Variants in MITF observed in about 807,000 individuals in gnomAD.
MITF encodes the protein microphthalmia-associated transcription factor.
Under a neutral mutation model 60.5 loss-of-function variants are expected in MITF, and 17 were observed. That is an observed-to-expected ratio of 0.28 (90% CI 0.19 to 0.42). The LOEUF (loss-of-function observed/expected upper bound fraction) is 0.42. Ranked by LOEUF, MITF falls within the 10% of genes least tolerant of loss-of-function variation. The pLI is 1.00. For synonymous variants in MITF, 260 were observed against 248.5 expected, an observed-to-expected ratio of 1.05 and a Z score of -0.43; for missense variants, 622 against 683.5, an observed-to-expected ratio of 0.91 and a Z score of 1.00.
intron 1 of MITF, among the ~76,000 whole-genome samples, chr3:69,793,170 C>T (rs2062770299): frequency 1.4e-5 from 2 of 148,054 alleles, no homozygotes; most frequent in African/African-American, 4.9e-5. Flanking sequence ...CTTGCCACCA[C>T]ACCTGGCTAA....
At chr3:69,779,055 G>A (rs1473292419) in intron 1 of MITF, 3 of 152,070 alleles carry the variant, frequency 2.0e-5, no homozygotes, top group South Asian at 2.1e-4. Flanking sequence ...AACATTATTC[G>A]GGGTATCATG....
chr3:69,870,663 G>A (rs1478158816), intron 1 of MITF, among the ~76,000 whole-genome samples: 1 of 151,862 alleles, frequency 6.6e-6, no homozygotes, highest in Admixed American at 6.6e-5. Flanking sequence ...TCCATCTCTT[G>A]ATCTCGTGAT....
At chr3:69,767,728 A>G (rs1575684114) in intron 1 of MITF, among the ~76,000 whole-genome samples, 1 of 152,212 alleles carries the variant, frequency 6.6e-6, no homozygotes, top group Non-Finnish European at 1.5e-5. Flanking sequence ...GTGTGGCTGG[A>G]GCACCAGGGA....
intron 2 of MITF, among the ~76,000 whole-genome samples, chr3:69,936,167 GTCTCT>G (rs2065829295): frequency 6.6e-6 from 1 of 152,172 alleles, no homozygotes; most frequent in African/African-American, 2.4e-5. Flanking sequence ...TCAGCACAGA[GTCTCT>G]TCTCTTCTAT....
intron 1 of MITF, among the ~76,000 whole-genome samples, chr3:69,825,971 T>C (rs926797876): frequency 6.6e-6 from 1 of 152,226 alleles, no homozygotes; most frequent in African/African-American, 2.4e-5. Context: ...TAAAATTAAA[T>C]GATATTTTAG....
chr3:69,938,219 C>A, intron 3 of MITF, 170 bp downstream of exon 3: 1 of 1,111,904 alleles, frequency 9.0e-7, no homozygotes, highest in Non-Finnish European at 1.3e-6. Context: ...TTGTCTCCAT[C>A]GCTGGGTTAT....
In MITF at chr3:69,967,657, T is replaced by C. The variant is rs1002011296; in HGVS notation, c.*2409T>C. The C allele has an allele frequency of 8.6e-6, 2 of 233,116 alleles. No individual in the cohort carries two copies. The highest frequency in any genetic ancestry group is 4.4e-5 in the African/African-American group (2 of 45,322). 14.4% of individuals were successfully genotyped at this position (233,116 alleles called of 1,614,324 possible). On this transcript the variant is annotated 3_prime_UTR_variant, in exon 10 of 10. Transcript: ENST00000352241. ...CTCCCCTTCTCCTTAAGAGACAATT[T>C]CTGCAGGTGGCAGGTGAGCAAGCCC... is the stretch of plus-strand genomic sequence containing the variant.
chr3:69,824,473 G>A (rs764668355), intron 1 of MITF, among the ~76,000 whole-genome samples: 6 of 152,160 alleles, frequency 3.9e-5, no homozygotes, highest in African/African-American at 1.4e-4. Flanking sequence ...CTGTGAAAAT[G>A]GACCTGAACT....
intron 2 of MITF, among the ~76,000 whole-genome samples, chr3:69,885,396 A>G (rs905867832): frequency 6.6e-6 from 1 of 152,092 alleles, no homozygotes; most frequent in East Asian, 1.9e-4. Flanking sequence ...AGGCAGTATC[A>G]TAAGGAAAAT....
intron 1 of MITF, among the ~76,000 whole-genome samples, chr3:69,865,188 A>G (rs2064088629): frequency 1.3e-5 from 2 of 152,162 alleles, no homozygotes; most frequent in African/African-American, 4.8e-5. Flanking sequence ...GGGAAGTTAA[A>G]AAAAAAGATA....
intron 1 of MITF, among the ~76,000 whole-genome samples, chr3:69,835,948 T>C (rs923625613): frequency 1.8e-4 from 28 of 152,332 alleles, no homozygotes; most frequent in African/African-American, 6.3e-4. Context: ...TTGCTTTAGC[T>C]ATTCTGGGTT....
chr3:69,937,935 G>A lies in MITF; in HGVS notation c.468G>A (p.Leu156=). 1 of 1,614,148 alleles carries A rather than the reference G, an allele frequency of 6.2e-7. No individual in the cohort carries two copies. Among genetic ancestry groups the A allele is most frequent in the Non-Finnish European group, 8.5e-7 (1 of 1,180,018 alleles). ...CAAATAAACATGCCAACCAAGTCCT[G>A]AGCTTGCCATGTCCAAACCAGCCTG... is the stretch of plus-strand genomic sequence containing the variant. The part of the protein sequence containing the change: ...TLANKHANQV[L]SLPCPNQPGD... The change falls in exon 3 of 10, where the codon CTG becomes CTA. Residue 156 remains leucine, a synonymous_variant. Coordinates refer to ENST00000352241, the MANE Select transcript of MITF (RefSeq NM_001354604.2).
intron 1 of MITF, among the ~76,000 whole-genome samples, chr3:69,744,573 T>A (rs184142185): frequency 1.2e-4 from 18 of 152,236 alleles, no homozygotes; most frequent in Non-Finnish European, 2.4e-4. Context: ...TGACACACAG[T>A]AAGTGCTCAG....
chr3:69,819,921 C>G (rs1430346373), intron 1 of MITF, among the ~76,000 whole-genome samples: 1 of 152,134 alleles, frequency 6.6e-6, no homozygotes, highest in African/African-American at 2.4e-5. Context: ...GCCAAAGTTG[C>G]ACCATTGCAC....
At chr3:69,848,741 C>G (rs961985051) in intron 1 of MITF, among the ~76,000 whole-genome samples, 5 of 152,102 alleles carry the variant, frequency 3.3e-5, no homozygotes. Context: ...CTCGTGATCT[C>G]TATCCTTATG....
chr3:69,907,953 A>G (rs564639744), intron 2 of MITF, among the ~76,000 whole-genome samples: 1 of 152,206 alleles, frequency 6.6e-6, no homozygotes, highest in Non-Finnish European at 1.5e-5. Flanking sequence ...AGGAAGAGGA[A>G]ATTATTTATT....
intron 1 of MITF, among the ~76,000 whole-genome samples, chr3:69,795,186 G>T (rs1575725171): frequency 6.6e-6 from 1 of 152,104 alleles, no homozygotes; most frequent in South Asian, 2.1e-4. Context: ...TGATGCTGTT[G>T]TAAATAGATT....
chr3:69,863,468 G>C (rs984650012), intron 1 of MITF, among the ~76,000 whole-genome samples: 6 of 152,180 alleles, frequency 3.9e-5, no homozygotes, highest in Non-Finnish European at 7.4e-5. Context: ...TAAAAAGTCA[G>C]GTGATGTTAC....
chr3:69,906,389 A>G (rs2065100323), intron 2 of MITF, among the ~76,000 whole-genome samples: 1 of 152,070 alleles, frequency 6.6e-6, no homozygotes, highest in African/African-American at 2.4e-5. Flanking sequence ...TGACCTCCAA[A>G]TTGTTTTTTG....
Sources: gnomAD v4.1 joint callset for allele counts (sites outside exome capture counted in the v4.1 genomes callset) on GRCh38, gnomAD v4.1.1 for gene constraint, MANE v1.5 for transcripts, NCBI Gene and HGNC (gene_info 2026-07-23, HGNC 2026-07-21) for gene names.